PRKN: variants seen among roughly 807,000 people sequenced by gnomAD.
PRKN encodes the protein parkin RBR E3 ubiquitin protein ligase, also known as E3 ubiquitin-protein ligase parkin.
In PRKN, 56 loss-of-function variants were observed where a neutral mutation model predicts 59.5. That is an observed-to-expected ratio of 0.94 (90% CI 0.76 to 1.18). The LOEUF (loss-of-function observed/expected upper bound fraction) is 1.18. Among genes scored for constraint, PRKN ranks in the 50% most tolerant of loss-of-function variants. The pLI is 0.00. For synonymous variants in PRKN, 250 were observed against 222.1 expected, an observed-to-expected ratio of 1.13 and a Z score of -1.12; for missense variants, 657 against 596.4, an observed-to-expected ratio of 1.10 and a Z score of -1.06.
chr6:161,919,360 T>G (rs1778694363), intron 6 of PRKN, among the ~76,000 whole-genome samples: 1 of 152,080 alleles, frequency 6.6e-6, no homozygotes, highest in African/African-American at 2.4e-5. Context: ...AAGGTGGGAG[T>G]GAGGATGGCT....
chr6:161,456,012 T>C lies in PRKN; in HGVS notation c.1084-69135A>G, dbSNP rs950488803. ...AGTTTCTTCCAGTTCAAAATCACTA[T>C]GAAAAAATGTTTTCCTAAGGAGAAC... On this transcript the variant is annotated intron_variant, in intron 9 of 11. Coordinates refer to ENST00000366898, the MANE Select transcript of PRKN (RefSeq NM_004562.3). The surrounding 1 kb of genome is among the most constrained non-coding windows in gnomAD (Gnocchi z 4.8). 4.6e-5 allele frequency among the ~76,000 whole-genome samples: 7 copies of C among 152,184 alleles called. No individual in the cohort carries two copies. Among genetic ancestry groups the C allele is most frequent in the East Asian group, 1.9e-4 (1 of 5,188 alleles).
At chr6:161,598,434 G>A (rs962658388) in intron 7 of PRKN, among the ~76,000 whole-genome samples, 3 of 152,152 alleles carry the variant, frequency 2.0e-5, no homozygotes, top group Admixed American at 6.5e-5. Flanking sequence ...AGAGATCACC[G>A]TGAGTTATCT....
chr6:161,378,361 C>A lies in PRKN; in HGVS notation c.1167+8433G>T, dbSNP rs1331843154. ...GCCCTGCCAGGCCCCCCAGCTCGGGCATCCCCCCATCTGCCACACCGCCAA... is the reference window on the plus strand; with the variant it reads ...GCCCTGCCAGGCCCCCCAGCTCGGGAATCCCCCCATCTGCCACACCGCCAA... On this transcript the variant is annotated intron_variant, in intron 10 of 11. Transcript: ENST00000366898. The surrounding 1 kb of genome is among the most constrained non-coding windows in gnomAD (Gnocchi z 7.3). Among the ~76,000 whole-genome samples, 2 of 152,184 alleles carry A rather than the reference C, an allele frequency of 1.3e-5. No homozygotes were observed. The highest frequency in any genetic ancestry group is 4.8e-5 in the African/African-American group (2 of 41,448).
intron 1 of PRKN, among the ~76,000 whole-genome samples, chr6:162,556,414 A>G (rs1779601617): frequency 9.4e-6 from 1 of 106,064 alleles, no homozygotes; most frequent in African/African-American, 4.1e-5. Context: ...TCAGTTTGGC[A>G]GACGCCTTCT....
chr6:161,464,875 A>G (rs1232723684), intron 9 of PRKN, among the ~76,000 whole-genome samples: 3 of 152,072 alleles, frequency 2.0e-5, no homozygotes, highest in African/African-American at 7.2e-5. Context: ...TGGCTTCCCC[A>G]CCTGTTGCTT....
At chr6:161,908,621 A>T (rs1433341972) in intron 6 of PRKN, among the ~76,000 whole-genome samples, 2 of 152,116 alleles carry the variant, frequency 1.3e-5, no homozygotes, top group Non-Finnish European at 2.9e-5. Context: ...TTTAAAATCC[A>T]GATTGGTATG....
chr6:161,867,906 A>G (rs1794188389), intron 6 of PRKN, among the ~76,000 whole-genome samples: 1 of 151,702 alleles, frequency 6.6e-6, no homozygotes, highest in African/African-American at 2.4e-5. Flanking sequence ...GATTACAGGC[A>G]TGCACCACCA....
intron 2 of PRKN, among the ~76,000 whole-genome samples, chr6:162,331,602 T>G (rs1783577010): frequency 1.3e-5 from 2 of 152,240 alleles, no homozygotes; most frequent in African/African-American, 4.8e-5. Flanking sequence ...GGACACCACC[T>G]AAATTGGTTT....
intron 1 of PRKN, among the ~76,000 whole-genome samples, chr6:162,449,758 C>T (rs1450727139): frequency 1.3e-5 from 2 of 151,982 alleles, no homozygotes; most frequent in Non-Finnish European, 2.9e-5. Context: ...AGGATTTTTG[C>T]CTTTTATAAT....
chr6:162,710,338 T>A (rs1220595407), intron 1 of PRKN, among the ~76,000 whole-genome samples: 1 of 144,172 alleles, frequency 6.9e-6, no homozygotes, highest in African/African-American at 2.7e-5. Context: ...GATCTCCCTA[T>A]CCCCAGGGGA....
chr6:162,377,332 A>T (rs1172210923), intron 2 of PRKN, among the ~76,000 whole-genome samples: 1 of 152,204 alleles, frequency 6.6e-6, no homozygotes, highest in Non-Finnish European at 1.5e-5. Flanking sequence ...GCATTAAGGA[A>T]GACCAGTCAC....
intron 6 of PRKN, among the ~76,000 whole-genome samples, chr6:161,891,301 A>G (rs536511379): frequency 5.9e-5 from 9 of 152,340 alleles, no homozygotes; most frequent in African/African-American, 2.2e-4. Context: ...CACTAGGCAC[A>G]GCTTGTGCTG....
intron 6 of PRKN, among the ~76,000 whole-genome samples, chr6:161,867,213 A>G (rs1254670246): frequency 2.6e-5 from 4 of 152,146 alleles, no homozygotes; most frequent in Non-Finnish European, 5.9e-5. Flanking sequence ...TTAATGTGGT[A>G]TTATCATTTT....
At chr6:162,398,036 CAAAAAAA>C (rs10707854) in intron 2 of PRKN, among the ~76,000 whole-genome samples, 1 of 83,756 alleles carries the variant, frequency 1.2e-5, no homozygotes, top group Admixed American at 1.5e-4. Flanking sequence ...GATTCTGACT[CAAAAAAA>C]AAAAAAAAAA....
At chr6:161,867,540 T>C (rs955237389) in intron 6 of PRKN, among the ~76,000 whole-genome samples, 2 of 152,114 alleles carry the variant, frequency 1.3e-5, no homozygotes, top group African/African-American at 2.4e-5. Flanking sequence ...AAAGCAGATA[T>C]ATAAAAACAT....
At position 161,396,489 on chromosome 6, in the gene PRKN, G is replaced by A. The variant is rs1786765849; in HGVS notation, c.1084-9612C>T. Reference sequence around the variant, plus strand: ...CTGGTCACAGAGTATCAAATTCAATGCCACTTTCAAACATCGCCATTCATT... The same window carrying A: ...CTGGTCACAGAGTATCAAATTCAATACCACTTTCAAACATCGCCATTCATT... On this transcript the variant is annotated intron_variant, in intron 9 of 11. Coordinates refer to ENST00000366898, the MANE Select transcript of PRKN (RefSeq NM_004562.3). This position sits in a 1 kb window ranked among gnomAD's most constrained non-coding sequence, Gnocchi z 5.4. Among the ~76,000 whole-genome samples the A allele has an allele frequency of 6.6e-6, 1 of 152,162 alleles. No homozygotes were observed. Among genetic ancestry groups the A allele is most frequent in the Non-Finnish European group, 1.5e-5 (1 of 68,026 alleles).
chr6:162,040,111 C>T (rs145442811), intron 5 of PRKN, among the ~76,000 whole-genome samples: 1 of 152,074 alleles, frequency 6.6e-6, no homozygotes. Context: ...CGATGGTTGT[C>T]GATGCAAAGA....
At chr6:161,521,159 C>T (rs903128655) in intron 9 of PRKN, among the ~76,000 whole-genome samples, 1 of 152,028 alleles carries the variant, frequency 6.6e-6, no homozygotes, top group African/African-American at 2.4e-5. Context: ...GGAGGTGAGT[C>T]TTAGGTTGGG....
intron 7 of PRKN, among the ~76,000 whole-genome samples, chr6:161,732,226 A>G (rs1475277069): frequency 6.6e-6 from 1 of 152,030 alleles, no homozygotes; most frequent in African/African-American, 2.4e-5. Context: ...AGCTGGGATT[A>G]CAGGTGTGTG....
Sources: gnomAD v4.1 joint callset for allele counts (sites outside exome capture counted in the v4.1 genomes callset) on GRCh38, gnomAD v4.1.1 for gene constraint, Gnocchi (gnomAD v3.1) non-coding constraint, MANE v1.5 for transcripts, NCBI Gene and HGNC (gene_info 2026-07-23, HGNC 2026-07-21) for gene names.